Variants in TRIM37 observed in about 807,000 individuals in gnomAD.
TRIM37 encodes the protein tripartite motif containing 37.
TRIM37 carries 80 observed loss-of-function variants against 129.8 expected under a neutral mutation model. That is an observed-to-expected ratio of 0.62 (90% confidence interval 0.51 to 0.74). TRIM37 has a LOEUF of 0.74. Among genes scored for constraint, TRIM37 ranks in the 30% least tolerant of loss-of-function variants. The pLI, the probability that TRIM37 is intolerant of heterozygous loss-of-function variation, is 0.00. For synonymous variants in TRIM37, 389 were observed against 387.1 expected, an observed-to-expected ratio of 1.00 and a Z score of -0.06; for missense variants, 1,054 against 1,176.5, an observed-to-expected ratio of 0.90 and a Z score of 1.52.
chr17:59,104,867 G>A (rs2045849429), intron 1 of TRIM37, among the ~76,000 whole-genome samples: 1 of 152,096 alleles, frequency 6.6e-6, no homozygotes, highest in African/African-American at 2.4e-5. Flanking sequence ...TGAGGCAGGT[G>A]GATCACTCGA....
At chr17:59,023,198 C>T (rs1291347918) in intron 19 of TRIM37, among the ~76,000 whole-genome samples, 2 of 152,082 alleles carry the variant, frequency 1.3e-5, no homozygotes, top group Non-Finnish European at 2.9e-5. Context: ...GGCTTGGCCT[C>T]CTGAGTAGCT....
chr17:59,087,981 C>T (rs2043926935), intron 4 of TRIM37: 3 of 538,608 alleles, frequency 5.6e-6, no homozygotes, highest in Non-Finnish European at 9.9e-6. Context: ...CACTGTGTCC[C>T]CATTAAACAG....
At position 59,049,382 on chromosome 17, in the gene TRIM37, A is replaced by T; in HGVS notation, c.1326T>A (p.Ile442=). The T allele has an allele frequency of 6.2e-7, 1 of 1,614,082 alleles. No individual in the cohort carries two copies. The highest frequency in any genetic ancestry group is 1.1e-5 in the South Asian group (1 of 91,074). ...QINNLKERLT[I]ELSRTQKSRD... ...TTGACTTCTGAGTTCGAGACAGCTC[A>T]ATAGTAAGTCTCTTTTAAAACAAGA... The change falls in exon 15 of 24, where the codon ATT becomes ATA. Residue 442 remains isoleucine (I), a synonymous_variant. Coordinates refer to ENST00000262294, the MANE Select transcript of TRIM37 (RefSeq NM_015294.6).
At chr17:59,102,125 T>C (rs1243613768) in intron 2 of TRIM37, among the ~76,000 whole-genome samples, 6 of 152,120 alleles carry the variant, frequency 3.9e-5, no homozygotes, top group Admixed American at 6.6e-5. Flanking sequence ...GCTGAAGGAA[T>C]AGATTTAGGA....
In TRIM37 at chr17:59,069,412, G is replaced by C. The variant is rs146577174; in HGVS notation, c.809+1411C>G. On this transcript the variant is annotated intron_variant, in intron 9 of 23. Transcript: ENST00000262294. ...TAAAATAGTACAATGAATGCTCTGT[G>C]GTCATCAGAGGCATCACATATTAGA... Among the ~76,000 whole-genome samples, 449 of 151,956 alleles carry C rather than the reference G, an allele frequency of 3.0e-3. 4 individuals carry two copies. Among genetic ancestry groups the C allele is most frequent in the African/African-American group, 0.01 (435 of 41,446 alleles).
intron 2 of TRIM37, among the ~76,000 whole-genome samples, chr17:59,101,681 T>A (rs199839556): frequency 0.25 from 17,336 of 70,584 alleles, 2,558 homozygotes; most frequent in Non-Finnish European, 0.35. Context: ...AAAAAAAATA[T>A]ATATATATAT....
chr17:59,024,832 A>G (rs1391373087), intron 19 of TRIM37, among the ~76,000 whole-genome samples: 1 of 152,248 alleles, frequency 6.6e-6, no homozygotes, highest in Non-Finnish European at 1.5e-5. Context: ...AGCACCCCTA[A>G]ACTAGTCTTT....
chr17:58,985,710 A>ATAC (rs1343583421), intron 24 of TRIM37, among the ~76,000 whole-genome samples: 1 of 152,188 alleles, frequency 6.6e-6, no homozygotes, highest in Non-Finnish European at 1.5e-5. Flanking sequence ...TGACCTTCCA[A>ATAC]ACGAGTCAAC....
intron 4 of TRIM37, among the ~76,000 whole-genome samples, chr17:59,085,186 C>T (rs2043644156): frequency 6.6e-6 from 1 of 152,036 alleles, no homozygotes; most frequent in Admixed American, 6.6e-5. Flanking sequence ...ATTAGCTGGG[C>T]GTGGTGGTGC....
At chr17:59,023,240 T>G (rs1041126518) in intron 19 of TRIM37, among the ~76,000 whole-genome samples, 2 of 152,108 alleles carry the variant, frequency 1.3e-5, no homozygotes, top group Admixed American at 6.5e-5. Context: ...CATGCCCAGG[T>G]AATTTTTTTG....
intron 7 of TRIM37, among the ~76,000 whole-genome samples, chr17:59,077,809 C>CAAAAAAAA: frequency 1.4e-5 from 1 of 71,366 alleles, no homozygotes; most frequent in Non-Finnish European, 2.5e-5. Flanking sequence ...GACTCCATCT[C>CAAAAAAAA]AAAAAAAAAA....
chr17:58,981,064 C>A, downstream of TRIM37: 1 of 1,444,990 alleles, frequency 6.9e-7, no homozygotes, highest in Non-Finnish European at 9.4e-7. Flanking sequence ...TAGCTCTCCC[C>A]CAATAAAAAT....
At chr17:59,035,680 G>GA (rs2038386565) in intron 17 of TRIM37, among the ~76,000 whole-genome samples, 1 of 151,976 alleles carries the variant, frequency 6.6e-6, no homozygotes, top group Non-Finnish European at 1.5e-5. Context: ...CCAGGAGGCA[G>GA]AGGTTGCAGT....
At chr17:59,031,122 T>C (rs897856385) in intron 18 of TRIM37, among the ~76,000 whole-genome samples, 1 of 152,206 alleles carries the variant, frequency 6.6e-6, no homozygotes, top group South Asian at 2.1e-4. Flanking sequence ...TTCTCTGTTA[T>C]TTACACAGAG....
Position 59,056,867 on chromosome 17 carries a change from C to T in TRIM37, c.1199+8G>A, listed in dbSNP as rs777681263. On this transcript the variant is annotated splice_region_variant and intron_variant, in intron 13 of 23. Coordinates refer to ENST00000262294, the MANE Select transcript of TRIM37 (RefSeq NM_015294.6). Reference sequence around the variant, plus strand: ...ATAAAAACCACAACATCAAATTTTTCCTGTTACCTTAAAATCACTGTATCA... The same window carrying T: ...ATAAAAACCACAACATCAAATTTTTTCTGTTACCTTAAAATCACTGTATCA... 3 of 1,611,980 alleles carry T rather than the reference C, an allele frequency of 1.9e-6. No homozygotes were observed. The highest frequency in any genetic ancestry group is 2.7e-5 in the African/African-American group (2 of 74,734).
intron 22 of TRIM37, among the ~76,000 whole-genome samples, chr17:59,009,326 C>G (rs1341038000): frequency 6.6e-6 from 1 of 151,978 alleles, no homozygotes; most frequent in Non-Finnish European, 1.5e-5. Context: ...TGGGGTTTCA[C>G]CATGTTGGCC....
chr17:59,096,220 C>G (rs922134128), intron 2 of TRIM37, among the ~76,000 whole-genome samples: 5 of 151,868 alleles, frequency 3.3e-5, no homozygotes, highest in Non-Finnish European at 4.4e-5. Flanking sequence ...AATAAAATTA[C>G]TGTTAGTGTA....
intron 24 of TRIM37, chr17:58,985,310 G>T (rs2031696493): frequency 6.6e-6 from 1 of 152,492 alleles, no homozygotes. Context: ...CATTTAAAAA[G>T]AAGATTTGCT....
At chr17:59,073,119 T>C (rs558269317) in intron 8 of TRIM37, 3 of 152,340 alleles carry the variant, frequency 2.0e-5, no homozygotes, top group Non-Finnish European at 2.9e-5. Context: ...TTGACACCAT[T>C]TCTTCCAAAA....
Sources: allele counts gnomAD v4.1 joint callset (sites outside exome capture counted in the v4.1 genomes callset), GRCh38; gene constraint gnomAD v4.1.1; transcripts MANE v1.5; gene names NCBI Gene and HGNC (gene_info 2026-07-23, HGNC 2026-07-21).